NUBPL: variants seen among roughly 807,000 people sequenced by gnomAD.
The protein encoded by NUBPL is iron-sulfur cluster transfer protein NUBPL.
In NUBPL, 31 loss-of-function variants were observed where a neutral mutation model predicts 45.7. That is an observed-to-expected ratio of 0.68 (90% confidence interval 0.51 to 0.92). The LOEUF is 0.92. NUBPL is among the 40% of genes least tolerant of loss of function. The probability of loss-of-function intolerance (pLI) is 0.00; values close to 1 mark genes in which losing one functional copy is unlikely to be tolerated. For missense variants in NUBPL, 401 were observed against 398.7 expected (o/e 1.01, Z -0.05); for synonymous variants, 144 against 140.9 (o/e 1.02, Z -0.15).
At chr14:31,729,467 T>G (rs2038002549) in intron 6 of NUBPL, among the ~76,000 whole-genome samples, 1 of 152,168 alleles carries the variant, frequency 6.6e-6, no homozygotes, top group African/African-American at 2.4e-5. Flanking sequence ...GGCTTACCCT[T>G]TTATAAATAA....
chr14:31,720,344 T>C (rs1208211418), intron 6 of NUBPL, among the ~76,000 whole-genome samples: 2 of 152,240 alleles, frequency 1.3e-5, no homozygotes, highest in Non-Finnish European at 2.9e-5. Context: ...TGGTTAAAAA[T>C]TATCTTTCTA....
In NUBPL at chr14:31,713,301, C is replaced by G. The variant is rs949379105; in HGVS notation, c.513+39727C>G. Among the ~76,000 whole-genome samples, 15 of 152,318 alleles carry G rather than the reference C, an allele frequency of 9.8e-5. No homozygotes were observed. The East Asian group carries it at 2.9e-3, about 29-fold the overall frequency. On this transcript the variant is annotated intron_variant, in intron 6 of 10. Coordinates refer to ENST00000281081, the MANE Select transcript of NUBPL (RefSeq NM_025152.3). The stretch of plus-strand genomic sequence containing the variant: ...TGAAGTATTCATCTTAATTACCTTA[C>G]CATAGTTTTTCGTCTTTGAGTTCTT...
In NUBPL at chr14:31,787,774, T is replaced by C; in HGVS notation, c.514-6T>C. ...TACAATGATATAATCTATGTCATCT[T>C]TTTAGGTAGATTGGGGTCAACTGGA... is the stretch of plus-strand genomic sequence containing the variant. On this transcript the variant is annotated splice_polypyrimidine_tract_variant and splice_region_variant and intron_variant, in intron 6 of 10. Transcript: ENST00000281081. The C allele has an allele frequency of 6.3e-7, 1 of 1,588,356 alleles. No individual in the cohort carries two copies. The highest frequency in any genetic ancestry group is 8.6e-7 in the Non-Finnish European group (1 of 1,156,588).
At chr14:31,700,544 G>A (rs918535161) in intron 6 of NUBPL, among the ~76,000 whole-genome samples, 1 of 152,160 alleles carries the variant, frequency 6.6e-6, no homozygotes, top group Non-Finnish European at 1.5e-5. Context: ...GAGGTGTGGA[G>A]GGAGAGGTGT....
chr14:31,664,309 T>C (rs1186893116), intron 4 of NUBPL, among the ~76,000 whole-genome samples: 2 of 152,208 alleles, frequency 1.3e-5, no homozygotes, highest in African/African-American at 4.8e-5. Flanking sequence ...CCTTGTCTTG[T>C]GCTGGTTTTC....
rs771326763 is a variant in NUBPL, at chr14:31,562,158, A to G, written c.199A>G (p.Lys67Glu). Reference protein sequence around the residue: ...LPKQKPIEGVKQVIVVASGKG... With the variant: ...LPKQKPIEGVEQVIVVASGKG... ...AAAGCAGAAACCGATAGAAGGTGTT[A>G]AACAAGTTATAGTTGTGGCTTCTGG... The change falls in exon 2 of 11, where the codon AAA becomes GAA. Residue 67 changes from lysine to glutamate, a missense_variant. Transcript: ENST00000281081. 6.2e-7 allele frequency: 1 copy of G among 1,614,122 alleles called. No homozygotes were observed. The highest frequency in any genetic ancestry group is 1.6e-4 in the Middle Eastern group (1 of 6,062).
At chr14:31,612,625 C>T (rs139603870) in intron 4 of NUBPL, among the ~76,000 whole-genome samples, 2,866 of 150,806 alleles carry the variant, frequency 0.019, 80 homozygotes, top group African/African-American at 0.064. Flanking sequence ...CGTGCCACTG[C>T]ACTCCAGCCT....
At chr14:31,629,590 C>T (rs542551005) in intron 4 of NUBPL, among the ~76,000 whole-genome samples, 1 of 152,206 alleles carries the variant, frequency 6.6e-6, no homozygotes, top group Admixed American at 6.5e-5. Context: ...TTAATAAACA[C>T]ACAGATATAG....
rs115970246 is a variant in NUBPL, at chr14:31,624,191, T to G, written c.382+24812T>G. Among the ~76,000 whole-genome samples the G allele has an allele frequency of 3.3e-3, 506 of 152,282 alleles. 2 individuals carry two copies. The highest frequency in any genetic ancestry group is 0.011 in the African/African-American group (474 of 41,554). ...TTAAAGAGAATGGATGAATAGACCT[T>G]GGTAATTTATTGAGTATGACTGAGA... On this transcript the variant is annotated intron_variant, in intron 4 of 10. Coordinates refer to ENST00000281081, the MANE Select transcript of NUBPL (RefSeq NM_025152.3).
chr14:31,824,008 T>C (rs2040059307), intron 7 of NUBPL, among the ~76,000 whole-genome samples: 1 of 152,046 alleles, frequency 6.6e-6, no homozygotes, highest in Non-Finnish European at 1.5e-5. Context: ...ATTTGAAAAG[T>C]AGGATGAGCT....
intron 6 of NUBPL, among the ~76,000 whole-genome samples, chr14:31,753,387 C>T (rs1187386961): frequency 2.0e-5 from 3 of 152,038 alleles, no homozygotes; most frequent in African/African-American, 4.8e-5. Context: ...TTCCTCACAC[C>T]CTGGGAGGCA....
chr14:31,807,580 C>A (rs1417255614), intron 7 of NUBPL, among the ~76,000 whole-genome samples: 1 of 152,148 alleles, frequency 6.6e-6, no homozygotes, highest in Non-Finnish European at 1.5e-5. Flanking sequence ...GTTGCCTGTT[C>A]ACTCTGATGG....
chr14:31,712,639 C>G (rs1031807374), intron 6 of NUBPL, among the ~76,000 whole-genome samples: 1 of 152,222 alleles, frequency 6.6e-6, no homozygotes, highest in Non-Finnish European at 1.5e-5. Flanking sequence ...ATGCCGAGGC[C>G]AAGGGGGCAC....
intron 8 of NUBPL, among the ~76,000 whole-genome samples, chr14:31,841,362 T>C (rs969704133): frequency 2.0e-5 from 3 of 152,228 alleles, no homozygotes; most frequent in Non-Finnish European, 4.4e-5. Flanking sequence ...ATTTTGTTTT[T>C]TGTTTAGTCA....
intron 3 of NUBPL, among the ~76,000 whole-genome samples, chr14:31,579,412 G>A (rs2033805302): frequency 6.6e-6 from 1 of 152,186 alleles, no homozygotes. Flanking sequence ...AAACGTTAAT[G>A]AAAACTATCA....
intron 7 of NUBPL, among the ~76,000 whole-genome samples, chr14:31,798,240 C>T (rs369083763): frequency 2.0e-5 from 3 of 150,616 alleles, no homozygotes; most frequent in South Asian, 2.1e-4. Flanking sequence ...TTCAAGGAAA[C>T]GTGCATTTTA....
At chr14:31,629,411 C>G (rs2035286723) in intron 4 of NUBPL, among the ~76,000 whole-genome samples, 1 of 152,112 alleles carries the variant, frequency 6.6e-6, no homozygotes. Flanking sequence ...CCTTTTCATT[C>G]ATTTTATTTA....
chr14:31,760,144 T>TGTGTGTGTGAGAGAGAGAGA lies in NUBPL; in HGVS notation c.514-27635_514-27634insTGTGTGTGAGAGAGAGAGAG. 9.0e-3 allele frequency among the ~76,000 whole-genome samples: 315 copies of TGTGTGTGTGAGAGAGAGAGA among 34,824 alleles called. 15 individuals are homozygous for TGTGTGTGTGAGAGAGAGAGA. Among genetic ancestry groups the TGTGTGTGTGAGAGAGAGAGA allele is most frequent in the African/African-American group, 0.014 (127 of 9,246 alleles). 22.8% of individuals were successfully genotyped at this position (34,824 alleles called of 152,430 possible). A position where few individuals can be genotyped will look rare whatever the true frequency, so the allele number is the denominator to read the frequency against. On this transcript the variant is annotated intron_variant, in intron 6 of 10. Transcript: ENST00000281081. ...TGACTTTAGTGTGTGTGTGTGTGTG[T>TGTGTGTGTGAGAGAGAGAGA]GAGAGAGAGAGAGAGAGAGAGAGAG... is the stretch of plus-strand genomic sequence containing the variant.
intron 8 of NUBPL, chr14:31,844,816 C>T (rs2040427964): frequency 6.6e-6 from 1 of 152,186 alleles, no homozygotes; most frequent in Non-Finnish European, 1.5e-5. Flanking sequence ...ATTGTAATCT[C>T]TAAGCCTCTG....
Sources: gnomAD v4.1 joint callset for allele counts (sites outside exome capture counted in the v4.1 genomes callset) on GRCh38, gnomAD v4.1.1 for gene constraint, MANE v1.5 for transcripts, NCBI Gene and HGNC (gene_info 2026-07-23, HGNC 2026-07-21) for gene names.